The following ASPH variants were observed in gnomAD, a reference collection of about 807,000 sequenced individuals.
The protein encoded by ASPH is aspartyl/asparaginyl beta-hydroxylase.
ASPH carries 100 observed loss-of-function variants against 118.4 expected under a neutral mutation model. The ratio of observed to expected loss-of-function variants is 0.84; its 90% CI spans 0.72 to 1.00. The LOEUF (loss-of-function observed/expected upper bound fraction) is 1.00. ASPH is among the 50% of genes least tolerant of loss of function. ASPH has a pLI of 0.00. For synonymous variants in ASPH, 315 were observed against 325.6 expected (o/e 0.97, Z 0.35); for missense variants, 920 against 919.5 (o/e 1.00, Z -0.01).
intron 1 of ASPH, among the ~76,000 whole-genome samples, chr8:61,711,207 G>A (rs1837981476): frequency 6.6e-6 from 1 of 152,168 alleles, no homozygotes; most frequent in Admixed American, 6.5e-5. Context: ...TAAACAGGGA[G>A]ATGGAAAGCT....
intron 13 of ASPH, chr8:61,624,159 C>T: frequency 1.2e-6 from 1 of 862,140 alleles, no homozygotes; most frequent in South Asian, 5.3e-5. Flanking sequence ...TGTACATTTT[C>T]TATATCTGTA....
intron 4 of ASPH, 64 bp from the exon 5 acceptor site, chr8:61,651,188 T>C: frequency 7.4e-7 from 1 of 1,356,120 alleles, no homozygotes; most frequent in Admixed American, 1.7e-5. Context: ...CCCCTAACAC[T>C]CAAATATGAC....
chr8:61,589,798 T>C (rs1840546938), intron 14 of ASPH, among the ~76,000 whole-genome samples: 1 of 152,204 alleles, frequency 6.6e-6, no homozygotes, highest in Non-Finnish European at 1.5e-5. Context: ...ACGGGATCTT[T>C]CTTAAGGAGG....
At chr8:61,709,382 A>C (rs1476240512) in intron 1 of ASPH, among the ~76,000 whole-genome samples, 1 of 152,252 alleles carries the variant, frequency 6.6e-6, no homozygotes, top group Non-Finnish European at 1.5e-5. Flanking sequence ...ATACTCCCAC[A>C]GTGGTACACA....
In ASPH at chr8:61,517,679, C is replaced by T. The variant is rs932644423; in HGVS notation, c.1993-18G>A. The T allele has an allele frequency of 1.5e-5, 24 of 1,607,786 alleles. No individual in the cohort carries two copies. The highest frequency in any genetic ancestry group is 2.0e-5 in the Non-Finnish European group (23 of 1,174,880). ...TATTTGATCTGCATAGAAAACATGA[C>T]ACTCCATTCAGCCATTTATCAAGGT... On this transcript the variant is annotated intron_variant, in intron 23 of 24. Coordinates refer to ENST00000379454, the MANE Select transcript of ASPH (RefSeq NM_004318.4).
At chr8:61,528,418 T>G (rs1431809587) in intron 21 of ASPH, among the ~76,000 whole-genome samples, 5 of 152,248 alleles carry the variant, frequency 3.3e-5, no homozygotes, top group Non-Finnish European at 5.9e-5. Flanking sequence ...ATCTGTTACA[T>G]TCTTGTTAAA....
intron 16 of ASPH, among the ~76,000 whole-genome samples, chr8:61,571,715 T>C (rs763294997): frequency 6.6e-6 from 1 of 152,228 alleles, no homozygotes; most frequent in Non-Finnish European, 1.5e-5. Context: ...GTACTCACAA[T>C]TAATATTACA....
At chr8:61,606,132 T>C (rs918705269) in intron 14 of ASPH, among the ~76,000 whole-genome samples, 1 of 152,174 alleles carries the variant, frequency 6.6e-6, no homozygotes, top group Non-Finnish European at 1.5e-5. Context: ...AATGCACATG[T>C]ATGCTCACAG....
intron 1 of ASPH, chr8:61,689,634 G>A: frequency 1.3e-6 from 2 of 1,548,428 alleles, no homozygotes; most frequent in East Asian, 4.6e-5. Flanking sequence ...CTGTCAGCTA[G>A]ATCTAAAGCC....
At chr8:61,668,688 A>G (rs1044914985) in intron 3 of ASPH, among the ~76,000 whole-genome samples, 1 of 152,214 alleles carries the variant, frequency 6.6e-6, no homozygotes, top group Non-Finnish European at 1.5e-5. Flanking sequence ...CCAAAAAAGG[A>G]TAGCATATTT....
intron 14 of ASPH, among the ~76,000 whole-genome samples, chr8:61,597,633 A>G (rs1463262281): frequency 6.6e-6 from 1 of 152,210 alleles, no homozygotes; most frequent in Non-Finnish European, 1.5e-5. Flanking sequence ...TTATAAAAAC[A>G]GCAAAAGAAT....
chr8:61,542,814 T>G lies in ASPH; in HGVS notation c.1764+5257A>C, dbSNP rs1407196751. Among the ~76,000 whole-genome samples, 3 of 152,162 alleles carry G rather than the reference T, an allele frequency of 2.0e-5. No homozygotes were observed. The East Asian group carries it at 5.8e-4, about 29-fold the overall frequency. On this transcript the variant is annotated intron_variant, in intron 21 of 24. Coordinates refer to ENST00000379454, the MANE Select transcript of ASPH (RefSeq NM_004318.4). ...GGCTAGCATTAACTTCTCCCAGTTT[T>G]TATATATCTGGAAATGTCTTAATTT...
chr8:61,615,960 C>T (rs889986901), intron 14 of ASPH, among the ~76,000 whole-genome samples: 1 of 152,120 alleles, frequency 6.6e-6, no homozygotes, highest in African/African-American at 2.4e-5. Flanking sequence ...ATAAAAAATA[C>T]ATGGAATTTC....
intron 14 of ASPH, among the ~76,000 whole-genome samples, chr8:61,606,127 A>G (rs765182661): frequency 6.6e-6 from 1 of 152,220 alleles, no homozygotes; most frequent in Non-Finnish European, 1.5e-5. Context: ...CAGAGAATGC[A>G]CATGTATGCT....
At chr8:61,541,358 C>T (rs948712895) in intron 21 of ASPH, among the ~76,000 whole-genome samples, 7 of 151,424 alleles carry the variant, frequency 4.6e-5, no homozygotes, top group African/African-American at 9.7e-5. Flanking sequence ...AGTGAGACTC[C>T]GTCTAAAAAA....
At position 61,692,402 on chromosome 8, in the gene ASPH, G is replaced by A. The variant is rs73269263; in HGVS notation, c.104-8214C>T. ...TCATGTTTTTAAAACTTTAGCAAACGCAACTAAAATGACACTAAGTTAACT... is the reference window on the plus strand; with the variant it reads ...TCATGTTTTTAAAACTTTAGCAAACACAACTAAAATGACACTAAGTTAACT... On this transcript the variant is annotated intron_variant, in intron 1 of 24. Transcript: ENST00000379454. Among the ~76,000 whole-genome samples the A allele has an allele frequency of 5.4e-3, 816 of 152,136 alleles. 8 individuals are homozygous for A. Among genetic ancestry groups the A allele is most frequent in the African/African-American group, 0.019 (776 of 41,502 alleles).
chr8:61,663,994 TA>T (rs1195669498), intron 3 of ASPH: 19 of 870,574 alleles, frequency 2.2e-5, no homozygotes, highest in South Asian at 2.1e-4. Context: ...AAATATGTTT[TA>T]AAAAATAAAA....
intron 16 of ASPH, among the ~76,000 whole-genome samples, chr8:61,571,267 T>C (rs1833399737): frequency 6.6e-6 from 1 of 152,222 alleles, no homozygotes; most frequent in African/African-American, 2.4e-5. Flanking sequence ...TAAAAGATAT[T>C]GCTTGAAGCC....
chr8:61,638,078 T>C (rs2150884752), intron 11 of ASPH, 75 bp from the exon 12 acceptor site: 1 of 1,420,246 alleles, frequency 7.0e-7, no homozygotes, highest in Non-Finnish European at 9.6e-7. Flanking sequence ...CTCGCCTTCA[T>C]TCAGATTCCT....
Sources: gnomAD v4.1 joint callset for allele counts (sites outside exome capture counted in the v4.1 genomes callset) on GRCh38, gnomAD v4.1.1 for gene constraint, MANE v1.5 for transcripts, NCBI Gene and HGNC (gene_info 2026-07-23, HGNC 2026-07-21) for gene names.